Variants in CTNNA3 observed in about 807,000 individuals in gnomAD.
The protein encoded by CTNNA3 is catenin alpha-3.
In CTNNA3, 76 loss-of-function variants were observed where a neutral mutation model predicts 95.7. The ratio of observed to expected loss-of-function variants is 0.79; its 90% CI spans 0.66 to 0.96. The LOEUF (loss-of-function observed/expected upper bound fraction) is 0.96. CTNNA3 is among the 40% of genes least tolerant of loss of function. The pLI, the probability that CTNNA3 is intolerant of heterozygous loss-of-function variation, is 0.00. For missense variants in CTNNA3, 1,191 were observed against 1,089.8 expected (o/e 1.09, Z -1.31); for synonymous variants, 431 against 374.4 (o/e 1.15, Z -1.74).
chr10:65,956,640 T>A (rs2077737453), intron 17 of CTNNA3, among the ~76,000 whole-genome samples: 1 of 152,224 alleles, frequency 6.6e-6, no homozygotes, highest in Non-Finnish European at 1.5e-5. Flanking sequence ...TTCATTTTGT[T>A]ATATACCCAG....
intron 14 of CTNNA3, among the ~76,000 whole-genome samples, chr10:66,080,457 C>T (rs1001770661): frequency 2.0e-5 from 3 of 151,980 alleles, no homozygotes; most frequent in African/African-American, 7.2e-5. Context: ...TGTTTAGGGA[C>T]AACATGAGAA....
At chr10:67,484,749 G>A (rs531147018) in intron 5 of CTNNA3, among the ~76,000 whole-genome samples, 1 of 152,088 alleles carries the variant, frequency 6.6e-6, no homozygotes, top group Non-Finnish European at 1.5e-5. Flanking sequence ...AAACCACAAT[G>A]GGACACCACC....
At chr10:66,734,159 AAT>A (rs945652201) in intron 9 of CTNNA3, among the ~76,000 whole-genome samples, 120 of 152,094 alleles carry the variant, frequency 7.9e-4, no homozygotes, top group African/African-American at 2.2e-3. Context: ...CTTAAAAAAA[AAT>A]ATTGACTTTT....
At chr10:66,205,141 G>A (rs1279032171) in intron 13 of CTNNA3, among the ~76,000 whole-genome samples, 2 of 151,790 alleles carry the variant, frequency 1.3e-5, no homozygotes, top group African/African-American at 2.4e-5. Context: ...TTTTTTTCCA[G>A]GCATAGTTTT....
At chr10:67,639,547 TAACA>T (rs1304016243) in intron 2 of CTNNA3, among the ~76,000 whole-genome samples, 2 of 151,882 alleles carry the variant, frequency 1.3e-5, no homozygotes, top group Admixed American at 6.6e-5. Flanking sequence ...GGCAGAGACA[TAACA>T]AACAAAGAGA....
chr10:66,615,287 TA>T (rs1423285533), intron 10 of CTNNA3, among the ~76,000 whole-genome samples: 1 of 152,098 alleles, frequency 6.6e-6, no homozygotes, highest in Non-Finnish European at 1.5e-5. Flanking sequence ...AGGAGGCACG[TA>T]TCACACGTGA....
intron 15 of CTNNA3, among the ~76,000 whole-genome samples, chr10:66,038,429 T>C (rs986017873): frequency 6.6e-6 from 1 of 152,250 alleles, no homozygotes; most frequent in Admixed American, 6.5e-5. Flanking sequence ...ATACCTACAG[T>C]AGACCCCAGC....
At chr10:66,507,314 A>AAC (rs1158786052) in intron 11 of CTNNA3, among the ~76,000 whole-genome samples, 1 of 152,134 alleles carries the variant, frequency 6.6e-6, no homozygotes, top group Non-Finnish European at 1.5e-5. Flanking sequence ...GGGTAATTAA[A>AAC]ACATTCATCA....
intron 2 of CTNNA3, among the ~76,000 whole-genome samples, chr10:67,639,468 T>C (rs1002061929): frequency 7.9e-5 from 12 of 152,066 alleles, no homozygotes; most frequent in African/African-American, 2.9e-4. Flanking sequence ...ACTATTCCAA[T>C]CAACAGAAAA....
intron 5 of CTNNA3, among the ~76,000 whole-genome samples, chr10:67,358,663 C>T (rs944244651): frequency 1.3e-5 from 2 of 152,090 alleles, no homozygotes; most frequent in Admixed American, 1.3e-4. Flanking sequence ...CAACAGACCA[C>T]CCATAGACAT....
Position 66,693,967 on chromosome 10 carries a change from T to C in CTNNA3, c.1282-72183A>G, listed in dbSNP as rs1302838909. 2.0e-5 allele frequency among the ~76,000 whole-genome samples: 3 copies of C among 151,658 alleles called. No individual in the cohort carries two copies. The East Asian group carries it at 5.8e-4, about 29-fold the overall frequency. ...TCTGGGACACATTCAAAGCAGTGTGTAGAGGGAAATTTATAGCACTAAATG... is the reference window on the plus strand; with the variant it reads ...TCTGGGACACATTCAAAGCAGTGTGCAGAGGGAAATTTATAGCACTAAATG... On this transcript the variant is annotated intron_variant, in intron 9 of 17. Transcript: ENST00000433211.
At chr10:66,315,235 G>A (rs2092084860) in intron 12 of CTNNA3, among the ~76,000 whole-genome samples, 2 of 151,622 alleles carry the variant, frequency 1.3e-5, no homozygotes, top group Admixed American at 6.6e-5. Flanking sequence ...CAGTTCTAAC[G>A]CCACAATCCC....
intron 3 of CTNNA3, among the ~76,000 whole-genome samples, chr10:67,575,905 G>A (rs765634659): frequency 1.3e-5 from 2 of 152,070 alleles, no homozygotes; most frequent in African/African-American, 4.8e-5. Context: ...AAAAGAGCTC[G>A]GGGTGCCATT....
At chr10:66,786,915 A>G (rs954132232) in intron 7 of CTNNA3, among the ~76,000 whole-genome samples, 2 of 152,132 alleles carry the variant, frequency 1.3e-5, no homozygotes, top group African/African-American at 4.8e-5. Flanking sequence ...GCAAAGTCCA[A>G]CTCTACAGCG....
At chr10:67,464,766 T>A (rs1298136130) in intron 5 of CTNNA3, among the ~76,000 whole-genome samples, 1 of 152,068 alleles carries the variant, frequency 6.6e-6, no homozygotes, top group African/African-American at 2.4e-5. Flanking sequence ...CAGGGAATGA[T>A]TATTCAGGAT....
At chr10:66,084,853 T>G (rs1424661044) in intron 14 of CTNNA3, 1 of 152,146 alleles carries the variant, frequency 6.6e-6, no homozygotes, top group Non-Finnish European at 1.5e-5. Context: ...TATTTATTTG[T>G]GTATTTTTTT....
At position 66,893,162 on chromosome 10, in the gene CTNNA3, G is replaced by C. The variant is rs912349524; in HGVS notation, c.1048-117638C>G. ...TAGAAAAGGTTTGACCCTTGGGTCC[G>C]TGCATGCAGTTCTCTGTTGCAGAAA... On this transcript the variant is annotated intron_variant, in intron 7 of 17. Transcript: ENST00000433211. Among the ~76,000 whole-genome samples, 3 of 152,032 alleles carry C rather than the reference G, an allele frequency of 2.0e-5. No individual in the cohort carries two copies. In the East Asian group the frequency reaches 5.8e-4, roughly 29 times the overall value.
chr10:66,193,178 T>C (rs774178517), intron 13 of CTNNA3, among the ~76,000 whole-genome samples: 10 of 152,146 alleles, frequency 6.6e-5, no homozygotes, highest in Non-Finnish European at 8.8e-5. Context: ...CAATGTCTAG[T>C]AGAAGAGATA....
intron 7 of CTNNA3, among the ~76,000 whole-genome samples, chr10:67,027,934 T>A (rs2133098624): frequency 6.6e-6 from 1 of 152,314 alleles, no homozygotes; most frequent in African/African-American, 2.4e-5. Context: ...TATAGTACTT[T>A]TTTGTTTATA....
Sources: allele counts gnomAD v4.1 joint callset (sites outside exome capture counted in the v4.1 genomes callset), GRCh38; gene constraint gnomAD v4.1.1; transcripts MANE v1.5; gene names NCBI Gene and HGNC (gene_info 2026-07-23, HGNC 2026-07-21).